The following LHFPL3 variants were observed in gnomAD, a reference collection of about 807,000 sequenced individuals.
LHFPL3 encodes LHFPL tetraspan subfamily member 3.
Under a neutral mutation model 19.3 loss-of-function variants are expected in LHFPL3, and 5 were observed. The ratio of observed to expected loss-of-function variants is 0.26; its 90% CI spans 0.14 to 0.54. The LOEUF is 0.54. Among genes scored for constraint, LHFPL3 ranks in the 20% least tolerant of loss-of-function variants. LHFPL3 has a pLI of 0.94. For missense variants in LHFPL3, 249 were observed against 307.4 expected, an observed-to-expected ratio of 0.81 and a Z score of 1.42; for synonymous variants, 133 against 126.2, an observed-to-expected ratio of 1.05 and a Z score of -0.36.
intron 1 of LHFPL3, among the ~76,000 whole-genome samples, chr7:104,347,316 G>C (rs1266143655): frequency 6.6e-6 from 1 of 152,118 alleles, no homozygotes; most frequent in Non-Finnish European, 1.5e-5. Flanking sequence ...TATTTATTGA[G>C]TAAGGTCAGT....
At chr7:104,807,825 G>C (rs539721030) in intron 2 of LHFPL3, among the ~76,000 whole-genome samples, 1 of 152,184 alleles carries the variant, frequency 6.6e-6, no homozygotes, top group Non-Finnish European at 1.5e-5. Flanking sequence ...CTCACTGAAC[G>C]TCTAAAGCAC....
chr7:104,358,627 T>C (rs180978431), intron 1 of LHFPL3, among the ~76,000 whole-genome samples: 252 of 152,288 alleles, frequency 1.7e-3, no homozygotes, highest in African/African-American at 5.2e-3. Flanking sequence ...AATACAGCAT[T>C]GGGTGACTTT....
intron 1 of LHFPL3, among the ~76,000 whole-genome samples, chr7:104,573,545 G>A (rs1435419990): frequency 1.1e-4 from 16 of 152,198 alleles, no homozygotes. Flanking sequence ...ACTAGTGTGA[G>A]ATCATTTTCC....
At chr7:104,469,990 C>T (rs923449300) in intron 1 of LHFPL3, 36 of 455,876 alleles carry the variant, frequency 7.9e-5, no homozygotes, top group South Asian at 2.0e-4. Flanking sequence ...AAATGCCACA[C>T]TCTGAGAATG....
At chr7:104,641,080 T>C (rs1791824376) in intron 1 of LHFPL3, among the ~76,000 whole-genome samples, 2 of 152,202 alleles carry the variant, frequency 1.3e-5, no homozygotes, top group African/African-American at 4.8e-5. Context: ...GCAGGCTAGG[T>C]TGAAAGTATA....
At chr7:104,369,256 A>G (rs1790562540) in intron 1 of LHFPL3, among the ~76,000 whole-genome samples, 1 of 152,216 alleles carries the variant, frequency 6.6e-6, no homozygotes, top group Admixed American at 6.5e-5. Flanking sequence ...TCATGCAACC[A>G]CTGATCTGCT....
At chr7:104,448,119 C>G (rs973399217) in intron 1 of LHFPL3, among the ~76,000 whole-genome samples, 2 of 152,118 alleles carry the variant, frequency 1.3e-5, no homozygotes, top group Non-Finnish European at 2.9e-5. Flanking sequence ...ATATTTCCCC[C>G]CTCAAGTCAT....
intron 1 of LHFPL3, among the ~76,000 whole-genome samples, chr7:104,530,654 C>T (rs949968079): frequency 6.6e-6 from 1 of 152,176 alleles, no homozygotes; most frequent in African/African-American, 2.4e-5. Context: ...TCGGAATTCA[C>T]AGATGACAAC....
chr7:104,616,101 T>C (rs1053463379), intron 1 of LHFPL3, among the ~76,000 whole-genome samples: 3 of 152,202 alleles, frequency 2.0e-5, no homozygotes, highest in Non-Finnish European at 4.4e-5. Flanking sequence ...CCCATCAAGC[T>C]ACCATTGACT....
At chr7:104,422,001 C>T (rs560311958) in intron 1 of LHFPL3, among the ~76,000 whole-genome samples, 4 of 152,290 alleles carry the variant, frequency 2.6e-5, no homozygotes, top group African/African-American at 7.2e-5. Context: ...ACCTGCAAAA[C>T]GGCCCTTACC....
At chr7:104,845,386 T>C (rs1475426445) in intron 2 of LHFPL3, 38 of 1,528,266 alleles carry the variant, frequency 2.5e-5, no homozygotes, top group Non-Finnish European at 3.2e-5. Flanking sequence ...TCTCAGATGA[T>C]GGAAATGCTT....
At chr7:104,678,420 C>A (rs1792632951) in intron 1 of LHFPL3, among the ~76,000 whole-genome samples, 1 of 152,068 alleles carries the variant, frequency 6.6e-6, no homozygotes, top group Admixed American at 6.6e-5. Context: ...AAAAACAACC[C>A]CAAGGTGACC....
At chr7:104,538,851 T>C (rs189847632) in intron 1 of LHFPL3, among the ~76,000 whole-genome samples, 5 of 152,274 alleles carry the variant, frequency 3.3e-5, no homozygotes, top group Admixed American at 2.6e-4. Context: ...GATGAGGAAA[T>C]GTGTTACCCT....
intron 1 of LHFPL3, among the ~76,000 whole-genome samples, chr7:104,387,620 G>A (rs1790974148): frequency 1.3e-5 from 2 of 152,164 alleles, no homozygotes; most frequent in African/African-American, 4.8e-5. Flanking sequence ...GAGGTGTGCA[G>A]GTAGAGAGAA....
chr7:104,329,115 C>A lies in LHFPL3; in HGVS notation c.336C>A (p.Ile112=), dbSNP rs1801520258. 2 of 1,613,968 alleles carry A rather than the reference C, an allele frequency of 1.2e-6. No homozygotes were observed. Among genetic ancestry groups the A allele is most frequent in the Non-Finnish European group, 8.5e-7 (1 of 1,179,922 alleles). ...SGAFKAASFF[I]GLSMMLIIAC... ...CCTTCAAAGCCGCCTCCTTCTTTAT[C>A]GGCCTCTCCATGATGCTCATCATTG... is the stretch of plus-strand genomic sequence containing the variant. The change falls in exon 1 of 3, where the codon ATC becomes ATA. Residue 112 remains isoleucine (I), a synonymous_variant. Transcript: ENST00000424859.
intron 1 of LHFPL3, among the ~76,000 whole-genome samples, chr7:104,693,176 T>C (rs185130280): frequency 1.3e-5 from 2 of 152,336 alleles, no homozygotes; most frequent in Non-Finnish European, 1.5e-5. Context: ...TCATTTGCAA[T>C]AGGTATATTT....
At chr7:104,779,295 C>T (rs1162449855) in intron 2 of LHFPL3, among the ~76,000 whole-genome samples, 1 of 152,234 alleles carries the variant, frequency 6.6e-6, no homozygotes, top group African/African-American at 2.4e-5. Context: ...AACATAATCA[C>T]TCTCATCATT....
intron 1 of LHFPL3, among the ~76,000 whole-genome samples, chr7:104,726,657 T>A (rs996470018): frequency 6.6e-6 from 1 of 152,164 alleles, no homozygotes; most frequent in Non-Finnish European, 1.5e-5. Context: ...GCAAAAGACA[T>A]GATTTCAGTC....
In LHFPL3 at chr7:104,735,101, C is replaced by T. The variant is rs547520911; in HGVS notation, c.446-1574C>T. 6.6e-4 allele frequency among the ~76,000 whole-genome samples: 100 copies of T among 152,262 alleles called. 1 individual carries two copies. The South Asian group carries it at 0.019, about 30-fold the overall frequency. ...GAAGTTTCGTCTCAGAGGGGTACCC[C>T]GCCATGTGAGGTGTCAGTCTGCCCC... On this transcript the variant is annotated intron_variant, in intron 1 of 2. Transcript: ENST00000424859.
Sources: gnomAD v4.1 joint callset for allele counts (sites outside exome capture counted in the v4.1 genomes callset) on GRCh38, gnomAD v4.1.1 for gene constraint, MANE v1.5 for transcripts, NCBI Gene and HGNC (gene_info 2026-07-23, HGNC 2026-07-21) for gene names.